The following CAP2 variants were observed in gnomAD, a reference collection of about 807,000 sequenced individuals.
The protein encoded by CAP2 is adenylyl cyclase-associated protein 2.
Under a neutral mutation model 57.7 loss-of-function variants are expected in CAP2, and 24 were observed. That is an observed-to-expected ratio of 0.42 (90% CI 0.30 to 0.58). The LOEUF is 0.58. Ranked by LOEUF, CAP2 falls within the 20% of genes least tolerant of loss-of-function variation. The probability of loss-of-function intolerance (pLI) is 0.22; values close to 1 mark genes in which losing one functional copy is unlikely to be tolerated. For synonymous variants in CAP2, 194 were observed against 207.2 expected, an observed-to-expected ratio of 0.94 and a Z score of 0.55; for missense variants, 501 against 590.3, an observed-to-expected ratio of 0.85 and a Z score of 1.57.
At chr6:17,502,329 T>C (rs528917212) in intron 4 of CAP2, among the ~76,000 whole-genome samples, 57 of 152,360 alleles carry the variant, frequency 3.7e-4, no homozygotes, top group Admixed American at 1.8e-3. Context: ...CCAGCTTTGA[T>C]GGAAGTCACA....
chr6:17,430,242 T>C (rs1186078562), intron 3 of CAP2, among the ~76,000 whole-genome samples: 1 of 152,194 alleles, frequency 6.6e-6, no homozygotes, highest in Non-Finnish European at 1.5e-5. Context: ...CTGCTGAACC[T>C]AAGAGCATAA....
intron 1 of CAP2, among the ~76,000 whole-genome samples, chr6:17,415,458 C>G (rs1003802565): frequency 6.6e-6 from 1 of 152,236 alleles, no homozygotes; most frequent in African/African-American, 2.4e-5. Context: ...AAAAACTAAT[C>G]TAGCATCTTC....
At chr6:17,443,595 G>A (rs201588967) in intron 3 of CAP2, among the ~76,000 whole-genome samples, 1 of 84,680 alleles carries the variant, frequency 1.2e-5, no homozygotes, top group Admixed American at 1.1e-4. Context: ...ACACACACAC[G>A]TGCGCACGTG....
At chr6:17,521,012 C>T (rs1467316914) in intron 7 of CAP2, among the ~76,000 whole-genome samples, 1 of 152,192 alleles carries the variant, frequency 6.6e-6, no homozygotes, top group African/African-American at 2.4e-5. Context: ...ACAGCTGCGT[C>T]GTTCTACTTA....
intron 4 of CAP2, among the ~76,000 whole-genome samples, chr6:17,477,845 C>G (rs1761189292): frequency 6.6e-6 from 1 of 151,970 alleles, no homozygotes; most frequent in Non-Finnish European, 1.5e-5. Context: ...TAGGTTGTTT[C>G]ATGTAACTGT....
chr6:17,480,952 ATTTTTTT>A (rs59581120), intron 4 of CAP2, among the ~76,000 whole-genome samples: 5 of 70,728 alleles, frequency 7.1e-5, no homozygotes, highest in African/African-American at 1.8e-4. Flanking sequence ...CTAATTTTGT[ATTTTTTT>A]TTTTTTTTTT....
chr6:17,414,899 C>T (rs1295219032), intron 1 of CAP2, among the ~76,000 whole-genome samples: 1 of 152,204 alleles, frequency 6.6e-6, no homozygotes, highest in Non-Finnish European at 1.5e-5. Flanking sequence ...TGTTTCTCCA[C>T]AGCCTCACCA....
At chr6:17,464,008 G>A (rs910268269) in intron 4 of CAP2, among the ~76,000 whole-genome samples, 3 of 152,248 alleles carry the variant, frequency 2.0e-5, no homozygotes, top group East Asian at 3.9e-4. Flanking sequence ...AATGGTTGGC[G>A]GAGGTCCGTC....
rs757406004 is a variant in CAP2, at chr6:17,421,552, T to G, written c.-1-3T>G. On this transcript the variant is annotated splice_polypyrimidine_tract_variant and splice_region_variant and intron_variant, in intron 1 of 12. Transcript: ENST00000229922. ...GCCTCCATTTGTGCCTGTGCTTTTC[T>G]AGAATGGCCAACATGCAGGGACTGG... is the stretch of plus-strand genomic sequence containing the variant. The G allele has an allele frequency of 6.2e-7, 1 of 1,614,196 alleles. No homozygotes were observed. The highest frequency in any genetic ancestry group is 8.5e-7 in the Non-Finnish European group (1 of 1,180,028).
intron 3 of CAP2, among the ~76,000 whole-genome samples, chr6:17,458,462 T>C (rs1760634129): frequency 6.6e-6 from 1 of 152,210 alleles, no homozygotes; most frequent in Non-Finnish European, 1.5e-5. Flanking sequence ...AAAAATACCC[T>C]TGGATGAGAA....
At chr6:17,514,831 A>G (rs1279421019) in intron 7 of CAP2, among the ~76,000 whole-genome samples, 2 of 152,238 alleles carry the variant, frequency 1.3e-5, no homozygotes, top group East Asian at 3.8e-4. Flanking sequence ...CAGCCATTAA[A>G]ATGCTTTACC....
chr6:17,531,522 T>C, intron 7 of CAP2: 2 of 1,524,662 alleles, frequency 1.3e-6, no homozygotes, highest in Non-Finnish European at 1.8e-6. Context: ...CAAAGCATCT[T>C]TTGGACAAAC....
rs1041710772 is a variant in CAP2 at position 17,549,192 on chromosome 6, G to A, written c.1210-2272G>A. Among the ~76,000 whole-genome samples the A allele has an allele frequency of 4.5e-4, 69 of 152,274 alleles. 1 individual carries two copies. The highest frequency in any genetic ancestry group is 1.6e-3 in the African/African-American group (66 of 41,564). On this transcript the variant is annotated intron_variant, in intron 11 of 12. Coordinates refer to ENST00000229922, the MANE Select transcript of CAP2 (RefSeq NM_006366.3). The stretch of plus-strand genomic sequence containing the variant: ...CAATAAGAAAAAGGCTGCTGGGCGC[G>A]GTGGCTCACGCCTGTAATCCCAGAA...
intron 7 of CAP2, among the ~76,000 whole-genome samples, chr6:17,525,909 A>G (rs1762492497): frequency 6.6e-6 from 1 of 152,132 alleles, no homozygotes; most frequent in Non-Finnish European, 1.5e-5. Context: ...CTATGAGCTC[A>G]TTGAATGCAG....
intron 6 of CAP2, among the ~76,000 whole-genome samples, chr6:17,510,859 TTTAA>T (rs1420586041): frequency 6.6e-6 from 1 of 152,162 alleles, no homozygotes; most frequent in African/African-American, 2.4e-5. Context: ...TGGAGACTAT[TTTAA>T]TTAGTATCTC....
chr6:17,448,201 C>T (rs1760312072), intron 3 of CAP2, among the ~76,000 whole-genome samples: 1 of 152,232 alleles, frequency 6.6e-6, no homozygotes, highest in African/African-American at 2.4e-5. Flanking sequence ...CTTGTTGTCT[C>T]TGATTTTTCT....
intron 3 of CAP2, among the ~76,000 whole-genome samples, chr6:17,427,128 G>A (rs1036542953): frequency 2.6e-5 from 4 of 152,190 alleles, no homozygotes; most frequent in African/African-American, 9.6e-5. Context: ...CTGATGGAGA[G>A]AGGTAGTGAG....
At chr6:17,404,068 T>C (rs1758883047) in intron 1 of CAP2, among the ~76,000 whole-genome samples, 1 of 152,230 alleles carries the variant, frequency 6.6e-6, no homozygotes, top group Admixed American at 6.5e-5. Flanking sequence ...GGGTCAGTAA[T>C]TGTGGCAAAA....
chr6:17,461,756 G>T (rs1459967441), intron 3 of CAP2, among the ~76,000 whole-genome samples: 1 of 151,060 alleles, frequency 6.6e-6, no homozygotes, highest in Non-Finnish European at 1.5e-5. Flanking sequence ...ACTTTGGGAG[G>T]CCAAGGTGGG....
Sources: gnomAD v4.1 joint callset for allele counts (sites outside exome capture counted in the v4.1 genomes callset) on GRCh38, gnomAD v4.1.1 for gene constraint, MANE v1.5 for transcripts, NCBI Gene and HGNC (gene_info 2026-07-23, HGNC 2026-07-21) for gene names.